FGF2: variants seen among roughly 807,000 people sequenced by gnomAD.
FGF2 encodes basic fibroblast growth factor bFGF.
In FGF2, 13 loss-of-function variants were observed where a neutral mutation model predicts 15.9. The observed-to-expected ratio is 0.82, with a 90% CI of 0.53 to 1.30. The LOEUF (loss-of-function observed/expected upper bound fraction) is 1.30, where lower values mean the gene tolerates loss of function less well. Ranked by LOEUF, FGF2 falls within the 50% of genes most tolerant of loss-of-function variation. FGF2 has a pLI of 0.00. For synonymous variants in FGF2, 90 were observed against 78.4 expected (o/e 1.15, Z -0.78); for missense variants, 163 against 196.9 (o/e 0.83, Z 1.03).
At chr4:122,863,082 G>T (rs1578467292) in intron 1 of FGF2, among the ~76,000 whole-genome samples, 2 of 152,118 alleles carry the variant, frequency 1.3e-5, no homozygotes, top group East Asian at 3.9e-4. Context: ...GTACTTTAGG[G>T]AATTATTCCT....
rs1395225787 is a variant in FGF2 at position 122,827,041 on chromosome 4, C to T, written c.-134C>T. ...GACCGCGGGCGCGGCCGCGCGCTGC[C>T]GGGCGGGAGGCTGGGGGGCCGGGGC... On this transcript the variant is annotated 5_prime_UTR_variant, in exon 1 of 3. Transcript: ENST00000644866. The surrounding 1 kb of genome is among the most constrained non-coding windows in gnomAD (Gnocchi z 4.2). 1.7e-6 allele frequency: 2 copies of T among 1,145,364 alleles called. No homozygotes were observed. Among genetic ancestry groups the T allele is most frequent in the East Asian group, 4.2e-5 (1 of 23,698 alleles). 71.0% of individuals were successfully genotyped at this position (1,145,364 alleles called of 1,614,324 possible).
At chr4:122,876,623 C>T (rs981933794) in intron 2 of FGF2, among the ~76,000 whole-genome samples, 199 bp downstream of exon 2, 10 of 152,138 alleles carry the variant, frequency 6.6e-5, no homozygotes, top group African/African-American at 2.2e-4. Context: ...TAAGAAAACA[C>T]AGCTCATATA....
intron 1 of FGF2, among the ~76,000 whole-genome samples, chr4:122,832,652 G>A (rs1211126587): frequency 6.6e-6 from 1 of 152,174 alleles, no homozygotes; most frequent in Non-Finnish European, 1.5e-5. Flanking sequence ...ATTAGGATCT[G>A]GTCTAGTACT....
intron 1 of FGF2, among the ~76,000 whole-genome samples, chr4:122,875,233 A>G (rs1168186442): frequency 6.6e-6 from 1 of 152,144 alleles, no homozygotes; most frequent in Non-Finnish European, 1.5e-5. Context: ...ATATTACATT[A>G]TCATCATAAT....
intron 1 of FGF2, among the ~76,000 whole-genome samples, chr4:122,850,755 C>A (rs536113556): frequency 9.1e-4 from 139 of 152,200 alleles, no homozygotes; most frequent in African/African-American, 3.3e-3. Context: ...CCAAATCTCA[C>A]AAGAAGAAGG....
intron 2 of FGF2, among the ~76,000 whole-genome samples, chr4:122,877,574 G>T (rs2150784773): frequency 6.6e-6 from 1 of 152,324 alleles, no homozygotes; most frequent in South Asian, 2.1e-4. Context: ...AAAGAATGGT[G>T]CAGGAAAATA....
rs1005683060 is a variant in FGF2, at chr4:122,827,988, A to G, written c.178+636A>G. On this transcript the variant is annotated intron_variant, in intron 1 of 2. Transcript: ENST00000644866. This position sits in a 1 kb window ranked among gnomAD's most constrained non-coding sequence, Gnocchi z 4.2. The stretch of plus-strand genomic sequence containing the variant: ...TTCAGTAGTGAAAAGAAGTGCAAAC[A>G]CTTTAATCTTCCACCTGCAGTGACT... 3.3e-5 allele frequency among the ~76,000 whole-genome samples: 5 copies of G among 152,240 alleles called. No homozygotes were observed. Among genetic ancestry groups the G allele is most frequent in the African/African-American group, 1.2e-4 (5 of 41,454 alleles).
At chr4:122,834,115 G>A (rs942412577) in intron 1 of FGF2, among the ~76,000 whole-genome samples, 1 of 152,150 alleles carries the variant, frequency 6.6e-6, no homozygotes, top group Non-Finnish European at 1.5e-5. Flanking sequence ...ACACAGCAAA[G>A]CAATAGGGGT....
At chr4:122,881,691 C>T (rs1419940480) in intron 2 of FGF2, among the ~76,000 whole-genome samples, 1 of 152,228 alleles carries the variant, frequency 6.6e-6, no homozygotes, top group African/African-American at 2.4e-5. Flanking sequence ...GAGTTCCAAA[C>T]TTTCCCACAT....
intron 2 of FGF2, among the ~76,000 whole-genome samples, chr4:122,891,021 C>CTTT (rs769084285): frequency 7.3e-4 from 69 of 94,710 alleles, no homozygotes; most frequent in East Asian, 2.7e-3. Flanking sequence ...AACAATTTAT[C>CTTT]TTTTTTTTTT....
chr4:122,828,049 G>A (rs1255747092), intron 1 of FGF2, among the ~76,000 whole-genome samples: 6 of 152,322 alleles, frequency 3.9e-5, no homozygotes, highest in Non-Finnish European at 7.4e-5. Context: ...TAACCCCAGA[G>A]CCGGTTTCCT....
chr4:122,892,388 A>C lies in FGF2; in HGVS notation c.460A>C (p.Lys154Gln), dbSNP rs1367982250. The C allele has an allele frequency of 1.2e-6, 2 of 1,614,050 alleles. No individual in the cohort carries two copies. Among genetic ancestry groups the C allele is most frequent in the South Asian group, 2.2e-5 (2 of 91,078 alleles). The change falls in exon 3 of 3, where the codon AAG (lysine) becomes CAG (glutamine). Residue 154 changes from lysine to glutamine, a missense_variant. Coordinates refer to ENST00000644866, the MANE Select transcript of FGF2 (RefSeq NM_001361665.2). ...KAILFLPMSAKS is the reference protein window; with the variant it reads ...KAILFLPMSAQS ...TATACTTTTTCTTCCAATGTCTGCTAAGAGCTGATTTTAATGGCCACATCT... is the reference window on the plus strand; with the variant it reads ...TATACTTTTTCTTCCAATGTCTGCTCAGAGCTGATTTTAATGGCCACATCT...
chr4:122,896,798 T>G lies in FGF2; in HGVS notation c.*4402T>G, dbSNP rs1211473743. On this transcript the variant is annotated 3_prime_UTR_variant, in exon 3 of 3. Coordinates refer to ENST00000644866, the MANE Select transcript of FGF2 (RefSeq NM_001361665.2). ...TTTAAATAAAATATTTAAAGACAAT[T>G]TAGAAAATTGCCTTAATATCATTGT... is the stretch of plus-strand genomic sequence containing the variant. 6.6e-6 allele frequency: 1 copy of G among 152,132 alleles called. No individual in the cohort carries two copies. The highest frequency in any genetic ancestry group is 1.5e-5 in the Non-Finnish European group (1 of 68,004). 9.4% of individuals were successfully genotyped at this position (152,132 alleles called of 1,614,324 possible).
At position 122,827,483 on chromosome 4, in the gene FGF2, CG is replaced by C; in HGVS notation, c.178+133del. 2 of 1,061,548 alleles carry C rather than the reference CG, an allele frequency of 1.9e-6. No individual in the cohort carries two copies. The highest frequency in any genetic ancestry group is 2.8e-6 in the Non-Finnish European group (2 of 715,576). 65.8% of individuals were successfully genotyped at this position (1,061,548 alleles called of 1,614,324 possible). ...GCGCTCCGTGTGGTTTCTGGCCGCGCGGCCCTCGGCGGTTTCGGGTTCACCA... is the reference window on the plus strand; with the variant it reads ...GCGCTCCGTGTGGTTTCTGGCCGCGCGCCCTCGGCGGTTTCGGGTTCACCA... On this transcript the variant is annotated intron_variant, in intron 1 of 2. Coordinates refer to ENST00000644866, the MANE Select transcript of FGF2 (RefSeq NM_001361665.2). The surrounding 1 kb of genome is among the most constrained non-coding windows in gnomAD (Gnocchi z 4.2).
At chr4:122,866,868 A>G (rs1486620050) in intron 1 of FGF2, among the ~76,000 whole-genome samples, 1 of 152,228 alleles carries the variant, frequency 6.6e-6, no homozygotes, top group Non-Finnish European at 1.5e-5. Context: ...TCTACACAAA[A>G]TCTTGTCTAC....
intron 2 of FGF2, among the ~76,000 whole-genome samples, chr4:122,889,730 AAAT>A (rs1727130578): frequency 6.6e-6 from 1 of 152,162 alleles, no homozygotes; most frequent in South Asian, 2.1e-4. Context: ...TGTAATAAAT[AAAT>A]AAGTAAATTA....
chr4:122,873,858 T>C (rs911523185), intron 1 of FGF2, among the ~76,000 whole-genome samples: 2 of 152,238 alleles, frequency 1.3e-5, no homozygotes, highest in Non-Finnish European at 2.9e-5. Flanking sequence ...GAATCTTACA[T>C]GTAATGCTTA....
chr4:122,828,355 T>C (rs575446097), intron 1 of FGF2, among the ~76,000 whole-genome samples: 3 of 152,252 alleles, frequency 2.0e-5, no homozygotes, highest in South Asian at 2.1e-4. Context: ...CTGATGGAAT[T>C]TGAAGTGAGA....
intron 1 of FGF2, among the ~76,000 whole-genome samples, chr4:122,842,215 C>T (rs560154781): frequency 3.9e-5 from 6 of 152,118 alleles, no homozygotes; most frequent in Non-Finnish European, 5.9e-5. Context: ...GGAAGCCTGC[C>T]TCAACGATGT....
Sources: gnomAD v4.1 joint callset for allele counts (sites outside exome capture counted in the v4.1 genomes callset) on GRCh38, gnomAD v4.1.1 for gene constraint, Gnocchi (gnomAD v3.1) non-coding constraint, MANE v1.5 for transcripts, NCBI Gene and HGNC (gene_info 2026-07-23, HGNC 2026-07-21) for gene names.